Variants in ROBO2 observed in about 807,000 individuals in gnomAD.
The protein encoded by ROBO2 is roundabout homolog 2.
ROBO2 carries 53 observed loss-of-function variants against 160.8 expected under a neutral mutation model. That is an observed-to-expected ratio of 0.33 (90% CI 0.26 to 0.41). The LOEUF is 0.41. ROBO2 is among the 10% of genes least tolerant of loss of function. The pLI is 1.00. For synonymous variants in ROBO2, 664 were observed against 611.7 expected (o/e 1.09, Z -1.26); for missense variants, 1,577 against 1,722.4 (o/e 0.92, Z 1.49).
rs543958574 is a variant in ROBO2 at position 76,723,925 on chromosome 3, C to T, written c.110-374089C>T. ...CTAGAAGTAAAATCAGCAAGTTCTGCATCACAAGCTCTCCAAACTATGTTT... is the reference window on the plus strand; with the variant it reads ...CTAGAAGTAAAATCAGCAAGTTCTGTATCACAAGCTCTCCAAACTATGTTT... On this transcript the variant is annotated intron_variant, in intron 2 of 26. Transcript: ENST00000487694. Among the ~76,000 whole-genome samples, 3 of 152,250 alleles carry T rather than the reference C, an allele frequency of 2.0e-5. No homozygotes were observed. In the South Asian group the frequency reaches 6.2e-4, roughly 32 times the overall value.
intron 2 of ROBO2, among the ~76,000 whole-genome samples, chr3:75,949,028 C>T (rs566071355): frequency 1.5e-3 from 231 of 152,124 alleles, no homozygotes; most frequent in African/African-American, 4.0e-3. Context: ...GTAACTCTTA[C>T]ACAAAGATCA....
At chr3:76,181,795 A>G (rs1485652656) in intron 2 of ROBO2, among the ~76,000 whole-genome samples, 1 of 148,766 alleles carries the variant, frequency 6.7e-6, no homozygotes. Context: ...TATGTCCTAA[A>G]AAAAAAGGAT....
intron 2 of ROBO2, among the ~76,000 whole-genome samples, chr3:76,529,745 T>G (rs1223533315): frequency 6.6e-6 from 1 of 152,190 alleles, no homozygotes; most frequent in Non-Finnish European, 1.5e-5. Flanking sequence ...GAGTAAAGCA[T>G]GTTGTCTTTC....
chr3:77,460,621 T>TA (rs1426880558), intron 2 of ROBO2, among the ~76,000 whole-genome samples: 1 of 152,104 alleles, frequency 6.6e-6, no homozygotes, highest in Non-Finnish European at 1.5e-5. Flanking sequence ...GAAGACAAGG[T>TA]AAAAAACACA....
At chr3:76,214,641 G>C (rs1211733504) in intron 2 of ROBO2, among the ~76,000 whole-genome samples, 1 of 152,212 alleles carries the variant, frequency 6.6e-6, no homozygotes, top group South Asian at 2.1e-4. Flanking sequence ...GCTGAGGCTT[G>C]AGTAGGTAAA....
chr3:76,867,788 C>T (rs139269468), intron 2 of ROBO2, among the ~76,000 whole-genome samples: 1 of 152,084 alleles, frequency 6.6e-6, no homozygotes, highest in Non-Finnish European at 1.5e-5. Flanking sequence ...ATTGCATGAG[C>T]CTTGGGAAAG....
At chr3:76,161,878 T>C (rs1425045050) in intron 2 of ROBO2, among the ~76,000 whole-genome samples, 1 of 152,206 alleles carries the variant, frequency 6.6e-6, no homozygotes, top group Non-Finnish European at 1.5e-5. Context: ...TCATACATCA[T>C]ACTGCATGTG....
intron 2 of ROBO2, among the ~76,000 whole-genome samples, chr3:77,400,595 T>A (rs895317018): frequency 2.0e-5 from 3 of 152,186 alleles, no homozygotes; most frequent in Non-Finnish European, 4.4e-5. Context: ...ATATTTGTTT[T>A]AATTAAGAAA....
At chr3:76,435,458 C>T in intron 2 of ROBO2, 1 of 752,712 alleles carries the variant, frequency 1.3e-6, no homozygotes, top group South Asian at 1.4e-5. Flanking sequence ...TTTGCCCTCC[C>T]TTCACACCGT....
chr3:75,992,716 G>A (rs918483989), intron 2 of ROBO2, among the ~76,000 whole-genome samples: 2 of 152,152 alleles, frequency 1.3e-5, no homozygotes, highest in Non-Finnish European at 2.9e-5. Context: ...ACCTGGAAAA[G>A]CCACAGGCAC....
At chr3:77,477,047 G>GCA (rs3073759) in intron 2 of ROBO2, among the ~76,000 whole-genome samples, 5,065 of 151,184 alleles carry the variant, frequency 0.034, 215 homozygotes, top group African/African-American at 0.1. Context: ...ATATATGCGT[G>GCA]CACACACACA....
intron 7 of ROBO2, among the ~76,000 whole-genome samples, chr3:77,547,459 T>G (rs2092741536): frequency 6.6e-6 from 1 of 152,076 alleles, no homozygotes; most frequent in Admixed American, 6.6e-5. Context: ...TCTGGAAATC[T>G]AAAACCTTGG....
intron 1 of ROBO2, among the ~76,000 whole-genome samples, chr3:75,921,666 A>G (rs1947064159): frequency 6.6e-6 from 1 of 152,166 alleles, no homozygotes; most frequent in Non-Finnish European, 1.5e-5. Context: ...CATGTACACA[A>G]GTGTGTAAAT....
At chr3:77,343,930 C>T (rs1180551110) in intron 2 of ROBO2, among the ~76,000 whole-genome samples, 1 of 152,106 alleles carries the variant, frequency 6.6e-6, no homozygotes, top group Non-Finnish European at 1.5e-5. Context: ...GTTTGTTGAG[C>T]TCCTACTATG....
chr3:76,436,176 A>ACACACACACACACACG (rs1034830235), intron 2 of ROBO2, among the ~76,000 whole-genome samples: 1 of 150,650 alleles, frequency 6.6e-6, no homozygotes, highest in African/African-American at 2.5e-5. Flanking sequence ...ACACACACAC[A>ACACACACACACACACG]CACACCATTT....
chr3:76,905,524 T>C (rs1012454723), intron 2 of ROBO2, among the ~76,000 whole-genome samples: 13 of 152,290 alleles, frequency 8.5e-5, no homozygotes, highest in African/African-American at 2.9e-4. Flanking sequence ...TTTAAAAGCA[T>C]AGAAGAGTCA....
At chr3:77,133,080 C>T (rs1052372583) in intron 2 of ROBO2, among the ~76,000 whole-genome samples, 3 of 152,112 alleles carry the variant, frequency 2.0e-5, no homozygotes, top group Admixed American at 6.6e-5. Context: ...ATCTTCAATA[C>T]GTCTCTGTGC....
chr3:77,221,464 A>G lies in ROBO2; in HGVS notation c.388+123124A>G, dbSNP rs890900902. ...GTGAAAGAAGGAAGCAGAGGCTAAT[A>G]TTGGGATTCAGGCTCAATCCAGTCT... On this transcript the variant is annotated intron_variant, in intron 2 of 25. Coordinates refer to ENST00000461745, the Ensembl canonical transcript of ROBO2. Among the ~76,000 whole-genome samples, 32 of 152,296 alleles carry G rather than the reference A, an allele frequency of 2.1e-4. 1 individual carries two copies. Among genetic ancestry groups the G allele is most frequent in the African/African-American group, 7.0e-4 (29 of 41,578 alleles).
intron 2 of ROBO2, among the ~76,000 whole-genome samples, chr3:77,218,032 A>G (rs2085214962): frequency 6.6e-6 from 1 of 152,210 alleles, no homozygotes; most frequent in African/African-American, 2.4e-5. Flanking sequence ...AAATCTCCAA[A>G]AAGAGATTTT....
Sources: gnomAD v4.1 joint callset for allele counts (sites outside exome capture counted in the v4.1 genomes callset) on GRCh38, gnomAD v4.1.1 for gene constraint, MANE v1.5 for transcripts, NCBI Gene and HGNC (gene_info 2026-07-23, HGNC 2026-07-21) for gene names.